PRR11: variants seen among roughly 807,000 people sequenced by gnomAD.
PRR11 encodes proline rich 11, also known as proline-rich protein 11.
In PRR11, 30 loss-of-function variants were observed where a neutral mutation model predicts 45.6. The observed-to-expected ratio is 0.66, with a 90% confidence interval of 0.49 to 0.89. PRR11 has a LOEUF of 0.89. PRR11 is among the 40% of genes least tolerant of loss of function. PRR11 has a pLI of 0.00. For synonymous variants in PRR11, 128 were observed against 153.5 expected (o/e 0.83, Z 1.23); for missense variants, 373 against 424.8 (o/e 0.88, Z 1.07).
chr17:59,179,433 G>A (rs1263361519), intron 2 of PRR11, among the ~76,000 whole-genome samples: 1 of 152,042 alleles, frequency 6.6e-6, no homozygotes, highest in Non-Finnish European at 1.5e-5. Flanking sequence ...CACCGCACTT[G>A]GCCCAAAACC....
intron 1 of PRR11, among the ~76,000 whole-genome samples, chr17:59,157,856 T>C (rs2046633681): frequency 2.0e-5 from 3 of 152,118 alleles, no homozygotes; most frequent in African/African-American, 7.2e-5. Flanking sequence ...TAGGTATAAG[T>C]TGACTTGGAA....
In PRR11 at chr17:59,197,617, A is replaced by G. The variant is rs755113574; in HGVS notation, c.917+14A>G. The stretch of plus-strand genomic sequence containing the variant: ...CGATGTAGAGAGGTAATACACTCTC[A>G]TATCTTTATGCCTTCTACGTCCATT... On this transcript the variant is annotated intron_variant, in intron 8 of 9. Coordinates refer to ENST00000262293, the MANE Select transcript of PRR11 (RefSeq NM_018304.4). The G allele has an allele frequency of 2.5e-6, 4 of 1,612,098 alleles. No individual in the cohort carries two copies. Among genetic ancestry groups the G allele is most frequent in the Middle Eastern group, 1.6e-4 (1 of 6,062 alleles).
In PRR11 at chr17:59,172,951, C is replaced by T. The variant is rs375696017; in HGVS notation, c.128+3071C>T. Among the ~76,000 whole-genome samples the T allele has an allele frequency of 1.8e-4, 28 of 152,356 alleles. 1 individual carries two copies. The South Asian group carries it at 3.9e-3, about 21-fold the overall frequency. The stretch of plus-strand genomic sequence containing the variant: ...GGCAGCTCCAACTGCCCTCCCGGTG[C>T]GAGATCCACTGGGTGAAGCCAGCTG... On this transcript the variant is annotated intron_variant, in intron 2 of 9. Transcript: ENST00000262293.
At chr17:59,160,470 T>C (rs2046645806) in intron 1 of PRR11, among the ~76,000 whole-genome samples, 1 of 152,168 alleles carries the variant, frequency 6.6e-6, no homozygotes. Flanking sequence ...GGGGTTTCAC[T>C]GTGTTTGCCA....
At chr17:59,184,914 C>A in intron 2 of PRR11, 140 bp from the exon 3 acceptor site, 1 of 230,354 alleles carries the variant, frequency 4.3e-6, no homozygotes, top group Non-Finnish European at 7.4e-6. Context: ...CGAGGCTAGT[C>A]TTGAACTCCT....
intron 2 of PRR11, among the ~76,000 whole-genome samples, chr17:59,173,737 C>G (rs1244774696): frequency 2.6e-5 from 4 of 152,198 alleles, no homozygotes; most frequent in African/African-American, 9.7e-5. Flanking sequence ...ATTCCAGACA[C>G]AGAAGTACCC....
At position 59,205,905 on chromosome 17, in the gene PRR11, T is replaced by C. The variant is rs550787395; in HGVS notation, c.*4274T>C. On this transcript the variant is annotated 3_prime_UTR_variant, in exon 10 of 10. Transcript: ENST00000262293. ...TACCAAAAAAAATATATAAAAATTA[T>C]CTGGGTGTGGTGGCATGTGCCTATA... Among the ~76,000 whole-genome samples, 1 of 151,058 alleles carries C rather than the reference T, an allele frequency of 6.6e-6. No individual in the cohort carries two copies. Among genetic ancestry groups the C allele is most frequent in the Non-Finnish European group, 1.5e-5 (1 of 67,836 alleles).
intron 2 of PRR11, among the ~76,000 whole-genome samples, chr17:59,182,884 C>G (rs1174859437): frequency 5.9e-5 from 9 of 152,144 alleles, no homozygotes; most frequent in Non-Finnish European, 1.3e-4. Flanking sequence ...TATCCCAACC[C>G]ACGGAACCTA....
chr17:59,166,058 C>T (rs991551411), intron 1 of PRR11, among the ~76,000 whole-genome samples: 4 of 152,152 alleles, frequency 2.6e-5, no homozygotes, highest in African/African-American at 9.7e-5. Context: ...TATGCACTGC[C>T]ACTATTTGCC....
intron 4 of PRR11, among the ~76,000 whole-genome samples, chr17:59,186,653 C>G (rs1377049525): frequency 3.9e-5 from 6 of 152,004 alleles, no homozygotes; most frequent in African/African-American, 1.5e-4. Context: ...CCTCAGCCTC[C>G]CAAAGTGTTG....
At chr17:59,179,919 A>G (rs939222727) in intron 2 of PRR11, 8 of 1,306,746 alleles carry the variant, frequency 6.1e-6, no homozygotes, top group African/African-American at 5.8e-5. Context: ...TGCTTCTGCA[A>G]TTGAACTCCT....
chr17:59,169,823 C>G lies in PRR11; in HGVS notation c.71C>G (p.Ala24Gly), dbSNP rs138388461. 49 of 1,612,110 alleles carry G rather than the reference C, an allele frequency of 3.0e-5. No individual in the cohort carries two copies. The African/African-American group carries it at 6.3e-4, about 21-fold the overall frequency. Reference protein sequence around the residue: ...KAERLFKKKEASHFQSKLITP... With the variant: ...KAERLFKKKEGSHFQSKLITP... ...GAAAGATTATTCAAAAAAAAAGAAG[C>G]CTCTCACTTTCAGTCCAAGCTAATT... The change falls in exon 2 of 10, where the codon GCC becomes GGC. Residue 24 changes from alanine (A) to glycine (G), a missense_variant. Transcript: ENST00000262293.
At chr17:59,180,505 T>TTTTTTTTGTTTG (rs1252136657) in intron 2 of PRR11, among the ~76,000 whole-genome samples, 5 of 124,220 alleles carry the variant, frequency 4.0e-5, no homozygotes, top group African/African-American at 1.6e-4. Context: ...TGTTTTTTTT[T>TTTTTTTTGTTTG]TTTTGTTTTT....
chr17:59,187,162 T>C (rs2046817918), intron 4 of PRR11, among the ~76,000 whole-genome samples: 1 of 152,080 alleles, frequency 6.6e-6, no homozygotes, highest in Non-Finnish European at 1.5e-5. Context: ...TGAGCCGAGA[T>C]CGTGCTGCTG....
intron 1 of PRR11, among the ~76,000 whole-genome samples, chr17:59,161,858 T>C (rs1346715173): frequency 1.3e-5 from 2 of 152,220 alleles, no homozygotes; most frequent in African/African-American, 4.8e-5. Context: ...GGTCTCATTA[T>C]GCTTTTGGAA....
rs1394679581 is a variant in PRR11 at position 59,206,418 on chromosome 17, A to T, written c.*4787A>T. On this transcript the variant is annotated 3_prime_UTR_variant, in exon 10 of 10. Coordinates refer to ENST00000262293, the MANE Select transcript of PRR11 (RefSeq NM_018304.4). The stretch of plus-strand genomic sequence containing the variant: ...CTACATAATGAGGCCAGGCAAAAAA[A>T]AAAAGTCCTGTGGAAATCATATAGA... 6.6e-6 allele frequency among the ~76,000 whole-genome samples: 1 copy of T among 152,220 alleles called. No homozygotes were observed. The highest frequency in any genetic ancestry group is 2.4e-5 in the African/African-American group (1 of 41,456).
intron 2 of PRR11, chr17:59,179,884 G>A (rs1599699675): frequency 7.5e-7 from 1 of 1,338,388 alleles, no homozygotes; most frequent in Non-Finnish European, 1.0e-6. Flanking sequence ...CAGGGGCTGA[G>A]TAAAGAAACC....
Position 59,197,684 on chromosome 17 carries a change from C to T in PRR11, c.918-9C>T, listed in dbSNP as rs2046873388. 1 of 1,612,984 alleles carries T rather than the reference C, an allele frequency of 6.2e-7. No individual in the cohort carries two copies. Among genetic ancestry groups the T allele is most frequent in the Non-Finnish European group, 8.5e-7 (1 of 1,179,186 alleles). ...AATACAGCTACTGTTATTTTCAATACCTTTGCAGGAGCCCAGGTGGAACCC... is the reference window on the plus strand; with the variant it reads ...AATACAGCTACTGTTATTTTCAATATCTTTGCAGGAGCCCAGGTGGAACCC... On this transcript the variant is annotated splice_polypyrimidine_tract_variant and intron_variant, in intron 8 of 9. Coordinates refer to ENST00000262293, the MANE Select transcript of PRR11 (RefSeq NM_018304.4).
chr17:59,174,181 C>T (rs2147840681), intron 2 of PRR11, among the ~76,000 whole-genome samples: 2 of 151,734 alleles, frequency 1.3e-5, no homozygotes, highest in Middle Eastern at 3.4e-3. Flanking sequence ...TTGGGTGGGT[C>T]TGCCCAGGGA....
Sources: allele counts gnomAD v4.1 joint callset (sites outside exome capture counted in the v4.1 genomes callset), GRCh38; gene constraint gnomAD v4.1.1; transcripts MANE v1.5; gene names NCBI Gene and HGNC (gene_info 2026-07-23, HGNC 2026-07-21).